Variants in ATP11C observed in about 807,000 individuals in gnomAD.
The protein encoded by ATP11C is ATPase phospholipid transporting 11C (ATP11C blood group), also known as phospholipid-transporting ATPase IG.
Under a neutral mutation model 97.4 loss-of-function variants are expected in ATP11C, and 36 were observed. That is an observed-to-expected ratio of 0.37 (90% confidence interval 0.28 to 0.49). The LOEUF is 0.49. ATP11C is among the 20% of genes least tolerant of loss of function. The pLI is 0.98. For synonymous variants in ATP11C, 275 were observed against 290.9 expected, an observed-to-expected ratio of 0.95 and a Z score of 0.56; for missense variants, 730 against 824.6, an observed-to-expected ratio of 0.89 and a Z score of 1.40.
At chrX:139,910,204 G>A (rs1056894406) in intron 1 of ATP11C, among the ~76,000 whole-genome samples, 1 of 111,258 alleles carries the variant, frequency 9.0e-6, no homozygotes, top group Non-Finnish European at 1.9e-5. Context: ...TTGAGAACCA[G>A]GCAGATCCAC....
At chrX:139,822,258 G>A (rs917996664) in intron 2 of ATP11C, among the ~76,000 whole-genome samples, 23 of 112,404 alleles carry the variant, frequency 2.0e-4, no homozygotes, top group Admixed American at 1.6e-3. Context: ...GTGCGGTAGC[G>A]CGTTCCCAGC....
At chrX:139,769,887 GGA>G (rs1168098536) in intron 19 of ATP11C, among the ~76,000 whole-genome samples, 9 of 111,933 alleles carry the variant, frequency 8.0e-5, no homozygotes, top group Non-Finnish European at 1.5e-4. Flanking sequence ...CAGTGACAAT[GGA>G]GCTGCTATTC....
At chrX:139,904,693 G>A (rs746290361) in intron 1 of ATP11C, among the ~76,000 whole-genome samples, 164 of 111,271 alleles carry the variant, frequency 1.5e-3, no homozygotes, top group Non-Finnish European at 2.1e-3. Context: ...CATTAGCCTG[G>A]GTCAGGGAAG....
chrX:139,870,066 C>T (rs1051830957), intron 1 of ATP11C, among the ~76,000 whole-genome samples: 6 of 110,897 alleles, frequency 5.4e-5, no homozygotes, highest in African/African-American at 6.5e-5. Context: ...TATGTTCTTA[C>T]AACAACAAAC....
chrX:139,826,644 A>G (rs1460220785), intron 2 of ATP11C, 60 bp downstream of exon 2: 15 of 1,050,576 alleles, frequency 1.4e-5, no homozygotes, highest in African/African-American at 3.7e-5. Flanking sequence ...AGAAGCACAA[A>G]TTAGAATGCA....
rs1230342125 is a variant in ATP11C at position 139,919,400 on chromosome X, G to A, written c.27+12616C>T. 6.6e-5 allele frequency among the ~76,000 whole-genome samples: 7 copies of A among 106,529 alleles called. No homozygotes were observed. In the East Asian group the frequency reaches 1.5e-3, roughly 23 times the overall value. The allele number at this position is 106,529 out of a possible 115,157, so 92.5% of individuals were successfully genotyped here. ...AGAGAATGGCTTGAACCCGGGAGGC[G>A]GAGGTTGCAGTGAGCAGAGATCGCA... On this transcript the variant is annotated intron_variant, in intron 1 of 29. Transcript: ENST00000682941.
rs1394513001 is a variant in ATP11C, at chrX:139,798,431, AAGT to A, written c.776-80_776-78del. 3.9e-6 allele frequency: 3 copies of A among 774,144 alleles called. No homozygotes were observed. The Admixed American group carries it at 9.2e-5, about 24-fold the overall frequency. The allele number at this position is 774,144 out of a possible 1,213,427, so 63.8% of individuals were successfully genotyped here. A position where few individuals can be genotyped will look rare whatever the true frequency, so the allele number is the denominator to read the frequency against. On this transcript the variant is annotated intron_variant, in intron 9 of 29. Transcript: ENST00000682941. The stretch of plus-strand genomic sequence containing the variant: ...CACCCAGCTGGCTCTATGAATTTTT[AAGT>A]CTATAAAAGTGGGAAATCTAGGCCC...
intron 20 of ATP11C, 81 bp downstream of exon 20, chrX:139,768,179 T>C: frequency 1.3e-6 from 1 of 767,068 alleles, no homozygotes; most frequent in Non-Finnish European, 1.7e-6. Context: ...GAAGAAGAAA[T>C]AATTTTTTAA....
chrX:139,754,618 G>C (rs991565808), intron 23 of ATP11C, among the ~76,000 whole-genome samples: 1 of 111,933 alleles, frequency 8.9e-6, no homozygotes, highest in Non-Finnish European at 1.9e-5. Context: ...CTAGCAAACT[G>C]AAACCAGCAG....
chrX:139,866,102 T>C (rs1374479696), intron 1 of ATP11C, among the ~76,000 whole-genome samples: 1 of 110,119 alleles, frequency 9.1e-6, no homozygotes, highest in East Asian at 2.9e-4. Flanking sequence ...TAGCAGCACT[T>C]TGGCAGGCTG....
intron 1 of ATP11C, among the ~76,000 whole-genome samples, chrX:139,844,596 T>C (rs1814267680): frequency 8.9e-6 from 1 of 111,998 alleles, no homozygotes; most frequent in Admixed American, 9.4e-5. Flanking sequence ...GAATTGCAAA[T>C]GGTTGGCCTC....
At chrX:139,893,187 T>A (rs2084756087) in intron 1 of ATP11C, among the ~76,000 whole-genome samples, 1 of 111,468 alleles carries the variant, frequency 9.0e-6, no homozygotes, top group Non-Finnish European at 1.9e-5. Context: ...TACAGAAGCG[T>A]GCCACCAAGC....
intron 14 of ATP11C, among the ~76,000 whole-genome samples, chrX:139,787,578 G>A (rs1355765296): frequency 6.2e-5 from 7 of 112,727 alleles, no homozygotes; most frequent in African/African-American, 1.9e-4. Context: ...GATTACAGGC[G>A]TGAGCCACCG....
intron 28 of ATP11C, among the ~76,000 whole-genome samples, chrX:139,735,122 T>C (rs982783778): frequency 8.9e-6 from 1 of 111,947 alleles, no homozygotes; most frequent in Non-Finnish European, 1.9e-5. Context: ...ATCTGATTCA[T>C]CCCTGAATTA....
chrX:139,784,895 T>C (rs1371941293), intron 16 of ATP11C, among the ~76,000 whole-genome samples: 1 of 111,431 alleles, frequency 9.0e-6, no homozygotes, highest in Non-Finnish European at 1.9e-5. Flanking sequence ...GGTGGCTGCA[T>C]GTAAACATTA....
chrX:139,826,893 T>C (rs1290417566), intron 1 of ATP11C, 70 bp from the exon 2 acceptor site: 1 of 1,092,625 alleles, frequency 9.2e-7, no homozygotes, highest in East Asian at 3.3e-5. Flanking sequence ...AAGCCCATAA[T>C]TCTTGTCCAA....
chrX:139,813,630 T>C (rs1442838374), intron 5 of ATP11C, among the ~76,000 whole-genome samples: 1 of 111,412 alleles, frequency 9.0e-6, no homozygotes, highest in African/African-American at 3.3e-5. Context: ...TGGAAGAAAC[T>C]TGAAAGCATA....
chrX:139,850,214 T>C (rs1415173732), intron 1 of ATP11C, among the ~76,000 whole-genome samples: 4 of 110,393 alleles, frequency 3.6e-5, no homozygotes, highest in African/African-American at 1.3e-4. Context: ...AAGCCTAGAT[T>C]GCCATAAATG....
At chrX:139,783,633 G>A (rs1315653737) in intron 16 of ATP11C, among the ~76,000 whole-genome samples, 1 of 111,758 alleles carries the variant, frequency 8.9e-6, no homozygotes, top group Non-Finnish European at 1.9e-5. Context: ...AGCATTGTGG[G>A]AGGCTGAAGT....
Sources: gnomAD v4.1 joint callset for allele counts (sites outside exome capture counted in the v4.1 genomes callset) on GRCh38, gnomAD v4.1.1 for gene constraint, MANE v1.5 for transcripts, NCBI Gene and HGNC (gene_info 2026-07-23, HGNC 2026-07-21) for gene names.